The following EDNRA variants were observed in gnomAD, a reference collection of about 807,000 sequenced individuals.
The protein encoded by EDNRA is endothelin receptor type A, also known as endothelin-1 receptor.
In EDNRA, 11 loss-of-function variants were observed where a neutral mutation model predicts 41.4. The observed-to-expected ratio is 0.27, with a 90% CI of 0.17 to 0.44. The LOEUF is 0.44. EDNRA is among the 20% of genes least tolerant of loss of function. The probability of loss-of-function intolerance (pLI) is 1.00; values close to 1 mark genes in which losing one functional copy is unlikely to be tolerated. For synonymous variants in EDNRA, 172 were observed against 183.0 expected, an observed-to-expected ratio of 0.94 and a Z score of 0.49; for missense variants, 294 against 531.0, an observed-to-expected ratio of 0.55 and a Z score of 4.39.
At position 147,519,691 on chromosome 4, in the gene EDNRA, G is replaced by A. The variant is rs1371128849; in HGVS notation, c.421-160G>A. 5.9e-5 allele frequency among the ~76,000 whole-genome samples: 9 copies of A among 151,608 alleles called. No individual in the cohort carries two copies. The East Asian group carries it at 1.5e-3, about 26-fold the overall frequency. On this transcript the variant is annotated intron_variant, in intron 2 of 7. Transcript: ENST00000651419. This position sits in a 1 kb window ranked among gnomAD's most constrained non-coding sequence, Gnocchi z 4.1. ...AAAAATTGCTGAGGCTTTAAAATAC[G>A]AAAGAAAAAAATAACAATTCTAATA... is the stretch of plus-strand genomic sequence containing the variant.
chr4:147,508,532 C>T (rs942217944), intron 2 of EDNRA, among the ~76,000 whole-genome samples: 3 of 152,136 alleles, frequency 2.0e-5, no homozygotes, highest in African/African-American at 4.8e-5. Context: ...AAATTTTTGC[C>T]TAACCCAAGA....
At chr4:147,513,479 G>A (rs1039240323) in intron 2 of EDNRA, among the ~76,000 whole-genome samples, 7 of 152,126 alleles carry the variant, frequency 4.6e-5, no homozygotes, top group Admixed American at 4.6e-4. Flanking sequence ...TATCTGCAGT[G>A]GCCAGAGAGC....
At chr4:147,514,762 C>G (rs1163516412) in intron 2 of EDNRA, among the ~76,000 whole-genome samples, 1 of 152,200 alleles carries the variant, frequency 6.6e-6, no homozygotes, top group East Asian at 1.9e-4. Flanking sequence ...GTGTGAGCCA[C>G]TGCACCCAGC....
chr4:147,518,159 C>A (rs1373964036), intron 2 of EDNRA, among the ~76,000 whole-genome samples: 1 of 152,140 alleles, frequency 6.6e-6, no homozygotes, highest in African/African-American at 2.4e-5. Flanking sequence ...AGCCAGAATT[C>A]TAAATTCTTA....
At chr4:147,536,155 G>T in intron 5 of EDNRA, 126 bp downstream of exon 5, 2 of 1,158,946 alleles carry the variant, frequency 1.7e-6, no homozygotes, top group Non-Finnish European at 2.4e-6. Flanking sequence ...TCCTGTAACT[G>T]TTTTCTTTAT....
chr4:147,501,353 T>TAC (rs1287207084), intron 2 of EDNRA, among the ~76,000 whole-genome samples: 2 of 152,162 alleles, frequency 1.3e-5, no homozygotes, highest in Non-Finnish European at 2.9e-5. Context: ...TAGTAGGAGG[T>TAC]ACAGTCTCAC....
intron 2 of EDNRA, among the ~76,000 whole-genome samples, chr4:147,507,227 A>T (rs1477627963): frequency 6.6e-6 from 1 of 151,814 alleles, no homozygotes; most frequent in East Asian, 1.9e-4. Context: ...AAAAAAAAAA[A>T]CCCTGTACAT....
intron 4 of EDNRA, 46 bp from the exon 5 acceptor site, chr4:147,535,831 A>G (rs377259553): frequency 2.5e-6 from 4 of 1,598,964 alleles, no homozygotes; most frequent in East Asian, 2.2e-5. Context: ...GTTAATTGAC[A>G]TGACTCTGCT....
rs72961655 is a variant in EDNRA at position 147,536,367 on chromosome 4, G to A, written c.900+338G>A. On this transcript the variant is annotated intron_variant, in intron 5 of 7. Transcript: ENST00000651419. ...AAAAAGCATGTAACTTTCTCCCCAT[G>A]CAGATTTACAGTCTTGTTGTAGAAA... 5.3e-3 allele frequency among the ~76,000 whole-genome samples: 806 copies of A among 152,298 alleles called. 6 individuals carry two copies. Among genetic ancestry groups the A allele is most frequent in the African/African-American group, 0.018 (763 of 41,568 alleles).
chr4:147,540,563 G>A lies in EDNRA; in HGVS notation c.1143+78G>A, dbSNP rs1027727254. On this transcript the variant is annotated intron_variant, in intron 7 of 7. Coordinates refer to ENST00000651419, the MANE Select transcript of EDNRA (RefSeq NM_001957.4). ...CAGTCAACAGACACAGCCAATTCCA[G>A]TTGTAATATTACTTTGATCAGCTAT... is the stretch of plus-strand genomic sequence containing the variant. 6 of 952,854 alleles carry A rather than the reference G, an allele frequency of 6.3e-6. No individual in the cohort carries two copies. The African/African-American group carries it at 1.0e-4, about 16-fold the overall frequency. The allele number at this position is 952,854 out of a possible 1,614,324, so 59.0% of individuals were successfully genotyped here.
chr4:147,496,747 A>T (rs758476477), intron 2 of EDNRA, among the ~76,000 whole-genome samples: 1 of 152,136 alleles, frequency 6.6e-6, no homozygotes, highest in Non-Finnish European at 1.5e-5. Context: ...AGTCATCCAT[A>T]TTGTTGCATT....
intron 3 of EDNRA, among the ~76,000 whole-genome samples, chr4:147,523,795 T>C (rs1730431467): frequency 6.6e-6 from 1 of 152,172 alleles, no homozygotes; most frequent in South Asian, 2.1e-4. Flanking sequence ...CGTCCTGTTT[T>C]GTTAGTCTTA....
rs1731214960 is a variant in EDNRA at position 147,544,264 on chromosome 4, A to G, written c.*1646A>G. On this transcript the variant is annotated 3_prime_UTR_variant, in exon 8 of 8. Coordinates refer to ENST00000651419, the MANE Select transcript of EDNRA (RefSeq NM_001957.4). ...TAATCATGTTACCATTACAAATGGG[A>G]TATAAGAGGCAGCGTGAAAGCAGAT... The G allele has an allele frequency of 6.5e-6, 1 of 153,254 alleles. No homozygotes were observed. The highest frequency in any genetic ancestry group is 2.4e-5 in the African/African-American group (1 of 41,454). 9.5% of individuals were successfully genotyped at this position (153,254 alleles called of 1,614,324 possible).
intron 4 of EDNRA, 121 bp downstream of exon 4, chr4:147,532,825 C>T: frequency 2.0e-6 from 2 of 992,922 alleles, no homozygotes; most frequent in South Asian, 1.5e-5. Context: ...TCAAATATTC[C>T]TCAGTTGCAT....
chr4:147,492,237 G>A (rs1451145510), intron 2 of EDNRA: 2 of 152,212 alleles, frequency 1.3e-5, no homozygotes, highest in Non-Finnish European at 2.9e-5. Context: ...CAGGCATGCT[G>A]CCATCATTCT....
chr4:147,481,774 C>G lies in EDNRA; in HGVS notation c.-71+398C>G, dbSNP rs572925195. Among the ~76,000 whole-genome samples, 7 of 152,354 alleles carry G rather than the reference C, an allele frequency of 4.6e-5. No homozygotes were observed. The East Asian group carries it at 9.6e-4, about 21-fold the overall frequency. The stretch of plus-strand genomic sequence containing the variant: ...CCTTCTTGTGAAGTTGGCTCCACAG[C>G]CTTTTCTTACTGGCTTGCTTTTCCT... On this transcript the variant is annotated intron_variant, in intron 1 of 7. Transcript: ENST00000651419.
chr4:147,542,444 G>A (rs1193873428), intron 7 of EDNRA, 34 bp from the exon 8 acceptor site: 1 of 1,613,200 alleles, frequency 6.2e-7, no homozygotes. Context: ...GGGCTGGTAG[G>A]CTCGCCTTAC....
chr4:147,529,104 A>G (rs1368401660), intron 3 of EDNRA, among the ~76,000 whole-genome samples: 1 of 152,200 alleles, frequency 6.6e-6, no homozygotes, highest in Non-Finnish European at 1.5e-5. Flanking sequence ...GCATTTGGAT[A>G]TATCTTGAAG....
At chr4:147,534,963 C>G (rs1730869874) in intron 4 of EDNRA, among the ~76,000 whole-genome samples, 1 of 152,146 alleles carries the variant, frequency 6.6e-6, no homozygotes, top group Non-Finnish European at 1.5e-5. Context: ...TTCTTAGCCT[C>G]TTTCTATATT....
Sources: gnomAD v4.1 joint callset for allele counts (sites outside exome capture counted in the v4.1 genomes callset) on GRCh38, gnomAD v4.1.1 for gene constraint, Gnocchi (gnomAD v3.1) non-coding constraint, MANE v1.5 for transcripts, NCBI Gene and HGNC (gene_info 2026-07-23, HGNC 2026-07-21) for gene names.